ABI1: variants seen among roughly 807,000 people sequenced by gnomAD.
ABI1 encodes abl interactor 1.
Under a neutral mutation model 54.6 loss-of-function variants are expected in ABI1, and 14 were observed. The observed-to-expected ratio is 0.26, with a 90% CI of 0.17 to 0.40. The LOEUF (loss-of-function observed/expected upper bound fraction) is 0.40, where lower values mean the gene tolerates loss of function less well. Among genes scored for constraint, ABI1 ranks in the 10% least tolerant of loss-of-function variants. The pLI, the probability that ABI1 is intolerant of heterozygous loss-of-function variation, is 1.00. For missense variants in ABI1, 443 were observed against 598.3 expected, an observed-to-expected ratio of 0.74 and a Z score of 2.71; for synonymous variants, 194 against 209.3, an observed-to-expected ratio of 0.93 and a Z score of 0.63.
At chr10:26,852,096 A>G (rs1421877878) in intron 1 of ABI1, among the ~76,000 whole-genome samples, 2 of 152,128 alleles carry the variant, frequency 1.3e-5, no homozygotes, top group African/African-American at 4.8e-5. Flanking sequence ...AATTACGAGG[A>G]CAGCTGGGGA....
intron 3 of ABI1, among the ~76,000 whole-genome samples, chr10:26,771,661 C>T (rs758631197): frequency 1.9e-4 from 29 of 152,234 alleles, no homozygotes; most frequent in Admixed American, 5.9e-4. Context: ...ACAGTGATAA[C>T]TTAGCCAGAT....
chr10:26,752,264 ATT>A (rs1013032037), intron 9 of ABI1, among the ~76,000 whole-genome samples: 2 of 152,124 alleles, frequency 1.3e-5, no homozygotes, highest in Non-Finnish European at 2.9e-5. Flanking sequence ...CTGTGGACAG[ATT>A]TTTGTTTCTT....
chr10:26,789,200 G>A (rs971434611), intron 2 of ABI1: 7 of 152,028 alleles, frequency 4.6e-5, no homozygotes, highest in Non-Finnish European at 8.8e-5. Flanking sequence ...TTAGAGGTAG[G>A]GGTATCAAAA....
chr10:26,808,754 T>C (rs754494704), intron 2 of ABI1, among the ~76,000 whole-genome samples: 3 of 151,656 alleles, frequency 2.0e-5, no homozygotes, highest in Non-Finnish European at 4.4e-5. Context: ...AACTGGGAGA[T>C]GGAACAGTCT....
chr10:26,783,396 C>T (rs1193199944), intron 2 of ABI1, among the ~76,000 whole-genome samples: 2 of 152,182 alleles, frequency 1.3e-5, no homozygotes, highest in Non-Finnish European at 2.9e-5. Flanking sequence ...TGTAACTATA[C>T]TTAACACCAC....
intron 3 of ABI1, among the ~76,000 whole-genome samples, chr10:26,773,651 A>AT (rs987814327): frequency 2.0e-5 from 3 of 152,190 alleles, no homozygotes; most frequent in African/African-American, 7.2e-5. Context: ...GGCTGAGACC[A>AT]TTAGGCTGAG....
intron 1 of ABI1, among the ~76,000 whole-genome samples, chr10:26,843,425 G>A (rs1248133393): frequency 6.2e-5 from 7 of 113,112 alleles, no homozygotes; most frequent in African/African-American, 2.0e-4. Context: ...CCACACTCCA[G>A]CCTTTATGAC....
intron 2 of ABI1, among the ~76,000 whole-genome samples, chr10:26,790,181 G>A (rs1843229784): frequency 2.0e-5 from 3 of 152,188 alleles, no homozygotes; most frequent in South Asian, 4.1e-4. Flanking sequence ...TGGTATTTCT[G>A]TCTCTAGGTC....
At chr10:26,768,062 A>ATAT (rs1448652543) in intron 6 of ABI1, among the ~76,000 whole-genome samples, 1 of 151,606 alleles carries the variant, frequency 6.6e-6, no homozygotes, top group East Asian at 1.9e-4. Flanking sequence ...GATAATAATA[A>ATAT]TATTATTATT....
chr10:26,860,206 GA>G lies in ABI1; in HGVS notation c.117+540del, dbSNP rs2051186453. Among the ~76,000 whole-genome samples, 2 of 152,076 alleles carry G rather than the reference GA, an allele frequency of 1.3e-5. No individual in the cohort carries two copies. Among genetic ancestry groups the G allele is most frequent in the African/African-American group, 2.4e-5 (1 of 41,396 alleles). On this transcript the variant is annotated intron_variant, in intron 1 of 10. Coordinates refer to ENST00000376140, the MANE Select transcript of ABI1 (RefSeq NM_001012750.3). The surrounding 1 kb of genome is among the most constrained non-coding windows in gnomAD (Gnocchi z 4.1). ...ATAAAAGACACACCCTCTGGGGGCT[GA>G]AACTGACATAATCGCCCCCACCCCA...
At chr10:26,784,723 T>C (rs1302128346) in intron 2 of ABI1, among the ~76,000 whole-genome samples, 2 of 152,200 alleles carry the variant, frequency 1.3e-5, no homozygotes, top group Admixed American at 6.5e-5. Flanking sequence ...GTCATCCAAT[T>C]AGAAAACTTT....
intron 1 of ABI1, among the ~76,000 whole-genome samples, chr10:26,839,277 G>A (rs559918158): frequency 6.6e-6 from 1 of 152,086 alleles, no homozygotes; most frequent in East Asian, 1.9e-4. Context: ...AAAGTGGATT[G>A]CTTGAGCTAA....
Position 26,777,066 on chromosome 10 carries a change from T to G in ABI1, c.461A>C (p.Lys154Thr), listed in dbSNP as rs746311820. 3 of 1,586,064 alleles carry G rather than the reference T, an allele frequency of 1.9e-6. No individual in the cohort carries two copies. The South Asian group carries it at 3.5e-5, about 19-fold the overall frequency. Residue 154 changes from lysine to threonine, a missense_variant and splice_region_variant, in exon 3 of 11, where the codon AAG (lysine) becomes ACG (threonine). Physicochemically the swap from Lys to Thr is moderately conservative, Grantham distance 78 (BLOSUM62 -1). Around this residue, in one of 2 missense-constraint regions of ABI1, gnomAD observed 394 missense variants for 484.8 expected, o/e 0.81. Transcript: ENST00000376140. Reference sequence around the variant, plus strand: ...GTTAATGTAATATAAAATGCTTACCTTGACACCATGGCCCACATCATCCAG... The same window carrying G: ...GTTAATGTAATATAAAATGCTTACCGTGACACCATGGCCCACATCATCCAG... Reference protein sequence around the residue: ...TVLDDVGHGVKWLKAKHGNNQ... With the variant: ...TVLDDVGHGVTWLKAKHGNNQ...
At chr10:26,760,612 A>G (rs557168014) in intron 7 of ABI1, among the ~76,000 whole-genome samples, 1 of 152,302 alleles carries the variant, frequency 6.6e-6, no homozygotes, top group Non-Finnish European at 1.5e-5. Flanking sequence ...TTTAAGGGCC[A>G]GGTGCAGTGG....
intron 2 of ABI1, among the ~76,000 whole-genome samples, chr10:26,815,408 A>C (rs1054536532): frequency 6.6e-6 from 1 of 152,238 alleles, no homozygotes; most frequent in African/African-American, 2.4e-5. Context: ...GTATGAATTA[A>C]GACATCTTCC....
intron 5 of ABI1, among the ~76,000 whole-genome samples, chr10:26,769,236 C>A (rs1344500731): frequency 6.6e-6 from 1 of 152,052 alleles, no homozygotes; most frequent in Non-Finnish European, 1.5e-5. Flanking sequence ...AAAGTCCTAA[C>A]CTTATTTCTA....
intron 1 of ABI1, among the ~76,000 whole-genome samples, chr10:26,834,596 A>ACAG (rs2048916753): frequency 7.7e-6 from 1 of 129,392 alleles, no homozygotes; most frequent in African/African-American, 3.0e-5. Context: ...CACACACACA[A>ACAG]AAGAAGACAT....
At chr10:26,780,457 C>T (rs1841967685) in intron 2 of ABI1, among the ~76,000 whole-genome samples, 1 of 152,146 alleles carries the variant, frequency 6.6e-6, no homozygotes, top group South Asian at 2.1e-4. Flanking sequence ...TGGTCTCGAA[C>T]TCCTGGGCTC....
intron 1 of ABI1, among the ~76,000 whole-genome samples, chr10:26,852,035 T>C (rs954575575): frequency 6.6e-6 from 1 of 152,120 alleles, no homozygotes; most frequent in Non-Finnish European, 1.5e-5. Context: ...GGGGAAAGTC[T>C]GTAGACCCAG....
Sources: gnomAD v4.1 joint callset for allele counts (sites outside exome capture counted in the v4.1 genomes callset) on GRCh38, gnomAD v4.1.1 for gene constraint, gnomAD v4.1.1 regional missense constraint, Gnocchi (gnomAD v3.1) non-coding constraint, MANE v1.5 for transcripts, NCBI Gene and HGNC (gene_info 2026-07-23, HGNC 2026-07-21) for gene names.